Variants in ACBD6 observed in about 807,000 individuals in gnomAD.
The protein encoded by ACBD6 is acyl-CoA-binding domain-containing protein 6.
A neutral mutation model predicts 37.2 loss-of-function variants in ACBD6; 28 were observed. The ratio of observed to expected loss-of-function variants is 0.75; its 90% CI spans 0.56 to 1.03. The LOEUF (loss-of-function observed/expected upper bound fraction) is 1.03, where lower values mean the gene tolerates loss of function less well. Among genes scored for constraint, ACBD6 ranks in the 50% least tolerant of loss-of-function variants. The pLI is 0.00. For missense variants in ACBD6, 340 were observed against 337.4 expected, an observed-to-expected ratio of 1.01 and a Z score of -0.06; for synonymous variants, 113 against 126.8, an observed-to-expected ratio of 0.89 and a Z score of 0.73.
At chr1:180,274,237 G>T in intron 10 of ACBD6, 1 of 1,614,188 alleles carries the variant, frequency 6.2e-7, no homozygotes, top group Non-Finnish European at 8.5e-7. Flanking sequence ...ATGGCAACGT[G>T]GGGGACGTTA....
chr1:180,339,591 T>G (rs979342896), intron 6 of ACBD6, among the ~76,000 whole-genome samples: 3 of 151,780 alleles, frequency 2.0e-5, no homozygotes, highest in African/African-American at 7.3e-5. Flanking sequence ...AAATGACGAG[T>G]TAATGGGTGC....
intron 3 of ACBD6, among the ~76,000 whole-genome samples, chr1:180,443,066 C>T (rs769334598): frequency 6.6e-6 from 1 of 152,082 alleles, no homozygotes; most frequent in East Asian, 1.9e-4. Context: ...ATAAATTTTA[C>T]ATTCTTGCTT....
rs1035265111 is a variant in ACBD6, at chr1:180,428,797, G to GA, written c.467+1382dup. On this transcript the variant is annotated intron_variant, in intron 4 of 7. Coordinates refer to ENST00000367595, the MANE Select transcript of ACBD6 (RefSeq NM_032360.4). ...TTAAGCTTAGTAATTTTTTTAAAAG[G>GA]AAAGTCAAGAAACTATCTCAATTTA... Among the ~76,000 whole-genome samples the GA allele has an allele frequency of 1.5e-4, 23 of 152,092 alleles. 1 individual carries two copies. Among genetic ancestry groups the GA allele is most frequent in the Non-Finnish European group, 7.4e-5 (5 of 68,002 alleles).
intron 7 of ACBD6, among the ~76,000 whole-genome samples, chr1:180,292,601 C>G (rs75348065): frequency 0.044 from 6,595 of 150,424 alleles, 458 homozygotes; most frequent in African/African-American, 0.15. Context: ...TTGGTGAACT[C>G]ACTTATTCTA....
chr1:180,302,154 G>C (rs1407588299), intron 7 of ACBD6, among the ~76,000 whole-genome samples: 1 of 151,796 alleles, frequency 6.6e-6, no homozygotes, highest in African/African-American at 2.4e-5. Context: ...CCTGCATGTT[G>C]TGCACATGTA....
At chr1:180,493,832 T>C (rs1285772200) in intron 2 of ACBD6, among the ~76,000 whole-genome samples, 4 of 152,256 alleles carry the variant, frequency 2.6e-5, no homozygotes, top group African/African-American at 2.4e-5. Context: ...TTGGTATTTT[T>C]TAAGAGTCCA....
intron 8 of ACBD6, among the ~76,000 whole-genome samples, chr1:180,282,502 A>G (rs1420426779): frequency 2.6e-5 from 4 of 152,212 alleles, no homozygotes; most frequent in East Asian, 1.9e-4. Flanking sequence ...GTTAAATCTC[A>G]TATTTTAGTC....
intron 6 of ACBD6, among the ~76,000 whole-genome samples, chr1:180,361,545 T>C (rs1185202781): frequency 1.3e-5 from 2 of 152,200 alleles, no homozygotes; most frequent in East Asian, 3.8e-4. Context: ...GATGCTTCTC[T>C]GTTGAGCTTC....
At chr1:180,296,239 T>C (rs1288797702) in intron 7 of ACBD6, among the ~76,000 whole-genome samples, 1 of 152,052 alleles carries the variant, frequency 6.6e-6, no homozygotes. Flanking sequence ...CTGAAAGAGA[T>C]GAAGAAACTG....
intron 3 of ACBD6, among the ~76,000 whole-genome samples, chr1:180,456,334 G>C (rs893556232): frequency 6.6e-6 from 1 of 152,010 alleles, no homozygotes; most frequent in Non-Finnish European, 1.5e-5. Flanking sequence ...CTATATCAAG[G>C]AACGGCACAA....
chr1:180,411,692 G>C (rs1275578497), intron 5 of ACBD6, among the ~76,000 whole-genome samples: 1 of 152,200 alleles, frequency 6.6e-6, no homozygotes, highest in Non-Finnish European at 1.5e-5. Flanking sequence ...TTGAGATGGA[G>C]TCTCGCTCTG....
At chr1:180,388,851 C>A (rs1390577107) in intron 6 of ACBD6, among the ~76,000 whole-genome samples, 1 of 152,020 alleles carries the variant, frequency 6.6e-6, no homozygotes, top group Non-Finnish European at 1.5e-5. Flanking sequence ...ATAAATTTAA[C>A]AAAAGAAGTG....
intron 3 of ACBD6, among the ~76,000 whole-genome samples, chr1:180,486,035 G>C (rs1318020703): frequency 6.6e-6 from 1 of 152,008 alleles, no homozygotes; most frequent in Non-Finnish European, 1.5e-5. Context: ...AATGTTGAGA[G>C]AGGCAATCTA....
intron 5 of ACBD6, among the ~76,000 whole-genome samples, chr1:180,405,378 T>C (rs1397086655): frequency 6.6e-6 from 1 of 152,072 alleles, no homozygotes; most frequent in Non-Finnish European, 1.5e-5. Context: ...ATCAATAGAC[T>C]ACGGAAAATG....
At chr1:180,362,210 A>G (rs1558266598) in intron 6 of ACBD6, among the ~76,000 whole-genome samples, 1 of 152,376 alleles carries the variant, frequency 6.6e-6, no homozygotes, top group East Asian at 1.9e-4. Flanking sequence ...TTCAAATGGA[A>G]TAATGAATAA....
intron 5 of ACBD6, among the ~76,000 whole-genome samples, chr1:180,412,137 A>C (rs1298559080): frequency 6.6e-6 from 1 of 151,932 alleles, no homozygotes; most frequent in Non-Finnish European, 1.5e-5. Context: ...CAAAATACAA[A>C]AAACCACAAA....
At chr1:180,283,984 A>G (rs1051781418), downstream of ACBD6, among the ~76,000 whole-genome samples, 38 of 152,238 alleles carry the variant, frequency 2.5e-4, no homozygotes, top group African/African-American at 8.4e-4. Flanking sequence ...CCCTGGACTA[A>G]GAAATAAGCC....
chr1:180,484,502 G>A (rs373342887), intron 3 of ACBD6, among the ~76,000 whole-genome samples: 118 of 152,258 alleles, frequency 7.7e-4, no homozygotes, highest in South Asian at 1.9e-3. Flanking sequence ...TGTTCTGTTG[G>A]AGAAAGGAGT....
intron 3 of ACBD6, among the ~76,000 whole-genome samples, chr1:180,461,200 G>GA (rs1244366131): frequency 2.6e-5 from 4 of 151,648 alleles, no homozygotes; most frequent in South Asian, 2.1e-4. Flanking sequence ...CAAAAATAGA[G>GA]AAAAAAAAGT....
Sources: allele counts gnomAD v4.1 joint callset (sites outside exome capture counted in the v4.1 genomes callset), GRCh38; gene constraint gnomAD v4.1.1; transcripts MANE v1.5; gene names NCBI Gene and HGNC (gene_info 2026-07-23, HGNC 2026-07-21).